The following DLGAP2 variants were observed in gnomAD, a reference collection of about 807,000 sequenced individuals.
DLGAP2 encodes disks large-associated protein 2.
A neutral mutation model predicts 100.3 loss-of-function variants in DLGAP2; 26 were observed. That is an observed-to-expected ratio of 0.26 (90% CI 0.19 to 0.36). The LOEUF is 0.36. Among genes scored for constraint, DLGAP2 ranks in the 10% least tolerant of loss-of-function variants. The pLI, the probability that DLGAP2 is intolerant of heterozygous loss-of-function variation, is 1.00. For missense variants in DLGAP2, 1,858 were observed against 1,453.2 expected (o/e 1.28, Z -4.53); for synonymous variants, 886 against 630.1 (o/e 1.41, Z -6.08).
At chr8:1,346,608 G>T (rs1801563558) in intron 3 of DLGAP2, among the ~76,000 whole-genome samples, 1 of 151,296 alleles carries the variant, frequency 6.6e-6, no homozygotes, top group Non-Finnish European at 1.5e-5. Context: ...CATGGTAGCT[G>T]TGTGGAGGTT....
chr8:1,022,116 C>A (rs1017827127), intron 2 of DLGAP2, among the ~76,000 whole-genome samples: 1 of 152,138 alleles, frequency 6.6e-6, no homozygotes, highest in Non-Finnish European at 1.5e-5. Flanking sequence ...ACCCAATGCC[C>A]GTCTGAGGGC....
At chr8:1,176,859 G>C (rs1436411836) in intron 2 of DLGAP2, among the ~76,000 whole-genome samples, 2 of 152,172 alleles carry the variant, frequency 1.3e-5, no homozygotes, top group Non-Finnish European at 2.9e-5. Flanking sequence ...CTCTCATGGA[G>C]TAGCAGAGAG....
chr8:1,092,637 G>C (rs1415096581), intron 2 of DLGAP2, among the ~76,000 whole-genome samples: 1 of 152,228 alleles, frequency 6.6e-6, no homozygotes, highest in East Asian at 1.9e-4. Context: ...TGCAGACATT[G>C]ATTGGATCTT....
rs573783423 is a variant in DLGAP2 at position 1,706,312 on chromosome 8, C to T, written c.*4906C>T. 1.3e-5 allele frequency: 2 copies of T among 152,312 alleles called. No individual in the cohort carries two copies. Among genetic ancestry groups the T allele is most frequent in the South Asian group, 2.1e-4 (1 of 4,826 alleles). 9.4% of individuals were successfully genotyped at this position (152,312 alleles called of 1,614,324 possible). ...TTACAGTTCCTGTCCCTGTCTTCCT[C>T]CAGGACACACTGTGAGGATTAATGA... On this transcript the variant is annotated 3_prime_UTR_variant, in exon 15 of 15. Coordinates refer to ENST00000637795, the MANE Select transcript of DLGAP2 (RefSeq NM_001346810.2).
At chr8:1,191,253 C>T (rs1797629447) in intron 2 of DLGAP2, among the ~76,000 whole-genome samples, 1 of 145,534 alleles carries the variant, frequency 6.9e-6, no homozygotes, top group African/African-American at 2.5e-5. Flanking sequence ...CTCACTGCAG[C>T]TCCACCTCCC....
chr8:790,375 G>A (rs775900511), intron 1 of DLGAP2, among the ~76,000 whole-genome samples: 9 of 152,142 alleles, frequency 5.9e-5, no homozygotes, highest in Non-Finnish European at 1.2e-4. Flanking sequence ...TATTTGTTGG[G>A]TCTATGTATC....
At chr8:1,198,142 G>A (rs896063345) in intron 2 of DLGAP2, among the ~76,000 whole-genome samples, 4 of 152,022 alleles carry the variant, frequency 2.6e-5, no homozygotes, top group East Asian at 1.9e-4. Flanking sequence ...GTGTGTGGAC[G>A]TAGACTCCCA....
At chr8:970,681 G>A (rs1799990668) in intron 2 of DLGAP2, among the ~76,000 whole-genome samples, 3 of 152,184 alleles carry the variant, frequency 2.0e-5, no homozygotes, top group African/African-American at 4.8e-5. Flanking sequence ...TGTGTCCTTA[G>A]AGACATGTAA....
intron 2 of DLGAP2, among the ~76,000 whole-genome samples, chr8:1,126,899 C>A (rs1397186106): frequency 2.6e-5 from 4 of 151,868 alleles, no homozygotes; most frequent in Non-Finnish European, 5.9e-5. Context: ...CTCCAGCCAG[C>A]TCCTCCTGAG....
At chr8:946,152 G>A (rs1159299914) in intron 2 of DLGAP2, among the ~76,000 whole-genome samples, 4 of 152,140 alleles carry the variant, frequency 2.6e-5, no homozygotes, top group African/African-American at 7.2e-5. Flanking sequence ...AACCCTTAGC[G>A]TGACCCCCTG....
In DLGAP2 at chr8:1,501,294, A is replaced by G. The variant is rs1054716597; in HGVS notation, c.107-72A>G. The G allele has an allele frequency of 6.8e-6, 10 of 1,467,382 alleles. No homozygotes were observed. The African/African-American group carries it at 1.4e-4, about 20-fold the overall frequency. The allele number at this position is 1,467,382 out of a possible 1,614,324, so 90.9% of individuals were successfully genotyped here. A position where few individuals can be genotyped will look rare whatever the true frequency, so the allele number is the denominator to read the frequency against. On this transcript the variant is annotated intron_variant, in intron 3 of 14. Transcript: ENST00000637795. ...GAACTGTTGAGTGTGGAGGGTTTTG[A>G]AGATGTGCAGGGAATGACTGCAGTC...
At chr8:1,257,010 C>T (rs931161855) in intron 2 of DLGAP2, among the ~76,000 whole-genome samples, 12 of 152,140 alleles carry the variant, frequency 7.9e-5, no homozygotes, top group Non-Finnish European at 1.5e-4. Context: ...ATGGCTTCTA[C>T]TTCAGGTCCT....
intron 2 of DLGAP2, among the ~76,000 whole-genome samples, chr8:1,077,294 A>G (rs1465948464): frequency 1.3e-5 from 2 of 152,084 alleles, no homozygotes; most frequent in Non-Finnish European, 2.9e-5. Context: ...CCATGTTGGG[A>G]GGTCCTGGGC....
chr8:1,066,030 G>A (rs144277908), intron 2 of DLGAP2, among the ~76,000 whole-genome samples: 369 of 152,346 alleles, frequency 2.4e-3, no homozygotes, highest in African/African-American at 8.2e-3. Flanking sequence ...AGTTGCTGGG[G>A]CTAGGTCCGC....
At chr8:1,515,501 C>T (rs370796739) in intron 4 of DLGAP2, among the ~76,000 whole-genome samples, 13 of 151,274 alleles carry the variant, frequency 8.6e-5, no homozygotes, top group African/African-American at 2.7e-4. Context: ...GAAATGTGCA[C>T]ACACACACAC....
At chr8:1,266,376 G>A (rs1450593410) in intron 3 of DLGAP2, among the ~76,000 whole-genome samples, 1 of 152,210 alleles carries the variant, frequency 6.6e-6, no homozygotes, top group South Asian at 2.1e-4. Context: ...TGTCTACGGG[G>A]CAAGGTGTGG....
chr8:1,545,554 C>T (rs1281892112), intron 4 of DLGAP2, among the ~76,000 whole-genome samples: 2 of 152,130 alleles, frequency 1.3e-5, no homozygotes, highest in African/African-American at 4.8e-5. Context: ...CTCATTTTCA[C>T]AAAAAGAAAT....
intron 13 of DLGAP2, 69 bp from the exon 14 acceptor site, chr8:1,697,078 G>A (rs1255166095): frequency 1.4e-6 from 2 of 1,410,614 alleles, no homozygotes; most frequent in Non-Finnish European, 1.9e-6. Context: ...GCGTGGGGAG[G>A]AGTGGCCTCC....
intron 3 of DLGAP2, among the ~76,000 whole-genome samples, chr8:1,479,875 T>C (rs756122799): frequency 4.6e-5 from 7 of 152,184 alleles, no homozygotes; most frequent in Non-Finnish European, 8.8e-5. Context: ...GTGAATGCTA[T>C]GATTATTTAC....
Sources: gnomAD v4.1 joint callset for allele counts (sites outside exome capture counted in the v4.1 genomes callset) on GRCh38, gnomAD v4.1.1 for gene constraint, MANE v1.5 for transcripts, NCBI Gene and HGNC (gene_info 2026-07-23, HGNC 2026-07-21) for gene names.